Variants in SPIB observed in about 807,000 individuals in gnomAD.
The protein encoded by SPIB is transcription factor Spi-B.
SPIB carries 7 observed loss-of-function variants against 31.9 expected under a neutral mutation model. The ratio of observed to expected loss-of-function variants is 0.22; its 90% CI spans 0.12 to 0.41. The LOEUF is 0.41. Among genes scored for constraint, SPIB ranks in the 10% least tolerant of loss-of-function variants. SPIB has a pLI of 1.00. For synonymous variants in SPIB, 176 were observed against 158.9 expected (o/e 1.11, Z -0.81); for missense variants, 327 against 360.2 (o/e 0.91, Z 0.75).
chr19:50,419,574 A>G (rs1031586015), intron 1 of SPIB, among the ~76,000 whole-genome samples: 1 of 151,632 alleles, frequency 6.6e-6, no homozygotes, highest in East Asian at 2.0e-4. Flanking sequence ...CTACCCAGAC[A>G]TCTCTCCATC....
chr19:50,427,070 C>T (rs997697907), intron 5 of SPIB, among the ~76,000 whole-genome samples: 2 of 151,902 alleles, frequency 1.3e-5, no homozygotes, highest in African/African-American at 4.8e-5. Context: ...GTCGAGGCTG[C>T]AGTGAGCTGT....
Position 50,428,633 on chromosome 19 carries a change from G to A in SPIB, c.*297G>A, listed in dbSNP as rs1301138590. On this transcript the variant is annotated 3_prime_UTR_variant, in exon 6 of 6. Transcript: ENST00000595883. The surrounding 1 kb of genome is among the most constrained non-coding windows in gnomAD (Gnocchi z 6.5). ...CCACTATACTCGGGGAGGCAGGGTAGCAGTTCTTCCAGAATCCCAAGAGCT... is the reference window on the plus strand; with the variant it reads ...CCACTATACTCGGGGAGGCAGGGTAACAGTTCTTCCAGAATCCCAAGAGCT... 1 of 381,586 alleles carries A rather than the reference G, an allele frequency of 2.6e-6. No individual in the cohort carries two copies. The highest frequency in any genetic ancestry group is 9.8e-5 in the South Asian group (1 of 10,174). The allele number at this position is 381,586 out of a possible 1,614,324, so 23.6% of individuals were successfully genotyped here.
intron 2 of SPIB, 26 bp downstream of exon 2, chr19:50,419,999 G>A (rs759613029): frequency 3.5e-6 from 5 of 1,448,870 alleles, no homozygotes; most frequent in Admixed American, 3.0e-5. Flanking sequence ...TGGGGGCCAG[G>A]GAGGGGTGGC....
chr19:50,423,897 C>T, intron 5 of SPIB, 142 bp downstream of exon 5: 1 of 1,021,554 alleles, frequency 9.8e-7, no homozygotes, highest in Non-Finnish European at 1.4e-6. Flanking sequence ...GCTGTGTGAC[C>T]TTGGGTAAGT....
At chr19:50,422,416 G>A (rs1601261678) in intron 2 of SPIB, 57 bp from the exon 3 acceptor site, 1 of 1,542,736 alleles carries the variant, frequency 6.5e-7, no homozygotes, top group Non-Finnish European at 9.0e-7. Context: ...CCAGGGTGGG[G>A]GTTGGGAGTC....
intron 5 of SPIB, among the ~76,000 whole-genome samples, 167 bp from the exon 6 acceptor site, chr19:50,427,871 C>CT (rs1354878316): frequency 1.3e-5 from 2 of 148,394 alleles, no homozygotes; most frequent in East Asian, 4.0e-4. Flanking sequence ...CCCCCCCCCC[C>CT]CCGTGGTGAG....
In SPIB at chr19:50,423,733, C is replaced by G. The variant is rs772520030; in HGVS notation, c.468C>G (p.Pro156=). The G allele has an allele frequency of 6.2e-7, 1 of 1,610,808 alleles. No homozygotes were observed. The highest frequency in any genetic ancestry group is 8.5e-7 in the Non-Finnish European group (1 of 1,178,772). ...CGGATGAGGCCCTCGTGGCTGGCCC[C>G]GAGGGGAAGGGATCCGAGGCAGGTA... ...SESDEALVAG[P]EGKGSEAGTR... Residue 156 remains proline, a synonymous_variant, in exon 5 of 6, where the codon CCC becomes CCG. Transcript: ENST00000595883.
Position 50,428,061 on chromosome 19 carries a change from T to C in SPIB, c.514T>C (p.Tyr172His). ...AGGGACTCGCAAGAAGCTGCGCCTG[T>C]ACCAGTTCCTGCTGGGGCTACTGAC... ...EAGTRKKLRL[Y>H]QFLLGLLTRG... The change falls in exon 6 of 6, where the codon TAC (tyrosine) becomes CAC (histidine). Residue 172 changes from tyrosine (Y) to histidine (H), a missense_variant. Tyr to His is a moderately conservative substitution (Grantham distance 83). Coordinates refer to ENST00000595883, the MANE Select transcript of SPIB (RefSeq NM_003121.5). The surrounding 1 kb of genome is among the most constrained non-coding windows in gnomAD (Gnocchi z 6.5). 2 of 1,560,682 alleles carry C rather than the reference T, an allele frequency of 1.3e-6. No individual in the cohort carries two copies. Among genetic ancestry groups the C allele is most frequent in the Middle Eastern group, 1.7e-4 (1 of 5,922 alleles).
chr19:50,426,108 C>G (rs1450999534), intron 5 of SPIB, among the ~76,000 whole-genome samples: 1 of 152,088 alleles, frequency 6.6e-6, no homozygotes, highest in Non-Finnish European at 1.5e-5. Context: ...ACTTGGGAGG[C>G]TGAGGCAGGA....
chr19:50,423,632 T>G lies in SPIB; in HGVS notation c.367T>G (p.Tyr123Asp). The G allele has an allele frequency of 6.2e-7, 1 of 1,613,916 alleles. No homozygotes were observed. Among genetic ancestry groups the G allele is most frequent in the Non-Finnish European group, 8.5e-7 (1 of 1,179,930 alleles). The change falls in exon 5 of 6, where the codon TAC (tyrosine) becomes GAC (aspartate). Residue 123 changes from tyrosine (Y) to aspartate (D), a missense_variant. Tyr to Asp is a radical substitution (Grantham distance 160, BLOSUM62 -3). Coordinates refer to ENST00000595883, the MANE Select transcript of SPIB (RefSeq NM_003121.5). ...QTLVPPAYAP[Y>D]PSPVLSEEED... is the part of the protein sequence containing the mutation. ...CCTGGTTCCCCCGGCATATGCCCCG[T>G]ACCCCAGCCCTGTGCTATCAGAGGA...
chr19:50,428,051 G>C lies in SPIB; in HGVS notation c.504G>C (p.Lys168Asn). The part of the protein sequence containing the change: ...GKGSEAGTRK[K>N]LRLYQFLLGL... The stretch of plus-strand genomic sequence containing the variant: ...ACCCCACCGCAGGGACTCGCAAGAA[G>C]CTGCGCCTGTACCAGTTCCTGCTGG... Residue 168 changes from lysine (K) to asparagine (N), a missense_variant, in exon 6 of 6, where the codon AAG (lysine) becomes AAC (asparagine). By Grantham distance (94) the Lys-to-Asn change is moderately conservative (BLOSUM62 0). This residue lies in a region of SPIB where 238 missense variants were observed against 228.8 expected (regional missense o/e 1.04). Coordinates refer to ENST00000595883, the MANE Select transcript of SPIB (RefSeq NM_003121.5). This position sits in a 1 kb window ranked among gnomAD's most constrained non-coding sequence, Gnocchi z 6.5. 1 of 1,537,730 alleles carries C rather than the reference G, an allele frequency of 6.5e-7. No individual in the cohort carries two copies. Among genetic ancestry groups the C allele is most frequent in the South Asian group, 1.2e-5 (1 of 82,556 alleles).
Position 50,428,090 on chromosome 19 carries a change from C to T in SPIB, c.543C>T (p.Arg181=). The T allele has an allele frequency of 1.9e-6, 3 of 1,579,028 alleles. No individual in the cohort carries two copies. The highest frequency in any genetic ancestry group is 2.3e-5 in the East Asian group (1 of 43,564). Residue 181 remains arginine (R), a synonymous_variant, in exon 6 of 6, where the codon CGC becomes CGT. Coordinates refer to ENST00000595883, the MANE Select transcript of SPIB (RefSeq NM_003121.5). The surrounding 1 kb of genome is among the most constrained non-coding windows in gnomAD (Gnocchi z 6.5). ...AGTTCCTGCTGGGGCTACTGACGCG[C>T]GGGGACATGCGTGAGTGCGTGTGGT... ...LYQFLLGLLT[R]GDMRECVWWV... is the part of the protein sequence containing the mutation.
chr19:50,423,729 G>A lies in SPIB; in HGVS notation c.464G>A (p.Gly155Asp), dbSNP rs2039530845. 2 of 1,611,448 alleles carry A rather than the reference G, an allele frequency of 1.2e-6. No individual in the cohort carries two copies. Among genetic ancestry groups the A allele is most frequent in the Middle Eastern group, 1.7e-4 (1 of 6,056 alleles). The change falls in exon 5 of 6, where the codon GGC becomes GAC. Residue 155 changes from glycine (G) to aspartate (D), a missense_variant. By Grantham distance (94) the Gly-to-Asp change is moderately conservative. Transcript: ENST00000595883. The stretch of plus-strand genomic sequence containing the variant: ...GAGTCGGATGAGGCCCTCGTGGCTG[G>A]CCCCGAGGGGAAGGGATCCGAGGCA... ...DSESDEALVAGPEGKGSEAGT... is the reference protein window; with the variant it reads ...DSESDEALVADPEGKGSEAGT...
chr19:50,424,811 T>G (rs994812409), intron 5 of SPIB, among the ~76,000 whole-genome samples: 6 of 147,676 alleles, frequency 4.1e-5, no homozygotes, highest in African/African-American at 1.5e-4. Flanking sequence ...AAAAAAAAAT[T>G]AATGGGGCAT....
intron 2 of SPIB, 53 bp from the exon 3 acceptor site, chr19:50,422,420 G>A (rs1296167494): frequency 5.1e-6 from 8 of 1,561,546 alleles, no homozygotes; most frequent in Non-Finnish European, 7.1e-6. Flanking sequence ...GGTGGGGGTT[G>A]GGAGTCCCCA....
At chr19:50,423,528 A>T in intron 4 of SPIB, 77 bp from the exon 5 acceptor site, 1 of 1,552,116 alleles carries the variant, frequency 6.4e-7, no homozygotes, top group South Asian at 1.2e-5. Context: ...CAGGAGGGCC[A>T]CCGCCTTGGC....
chr19:50,423,449 C>T (rs1369934284), intron 4 of SPIB, among the ~76,000 whole-genome samples, 156 bp from the exon 5 acceptor site: 1 of 152,104 alleles, frequency 6.6e-6, no homozygotes, highest in Non-Finnish European at 1.5e-5. Flanking sequence ...TCAGGTGTCC[C>T]CTGGCCACAG....
rs2039636737 is a variant in SPIB, at chr19:50,431,169, A to T, written c.*2833A>T. The T allele has an allele frequency of 6.6e-6, 1 of 152,204 alleles. No homozygotes were observed. The highest frequency in any genetic ancestry group is 1.5e-5 in the Non-Finnish European group (1 of 68,068). The allele number at this position is 152,204 out of a possible 1,614,324, so 9.4% of individuals were successfully genotyped here. ...GAGAGGAGTTCAAAGAGAGAATTAT[A>T]TGCTGGCGCGGTGGCTCTGTAATCC... On this transcript the variant is annotated 3_prime_UTR_variant, in exon 6 of 6. Transcript: ENST00000595883.
intron 1 of SPIB, among the ~76,000 whole-genome samples, chr19:50,419,579 T>C (rs1380549440): frequency 6.6e-6 from 1 of 152,100 alleles, no homozygotes; most frequent in Non-Finnish European, 1.5e-5. Flanking sequence ...CAGACATCTC[T>C]CCATCCTTCT....
Sources: gnomAD v4.1 joint callset for allele counts (sites outside exome capture counted in the v4.1 genomes callset) on GRCh38, gnomAD v4.1.1 for gene constraint, gnomAD v4.1.1 regional missense constraint, Gnocchi (gnomAD v3.1) non-coding constraint, MANE v1.5 for transcripts, NCBI Gene and HGNC (gene_info 2026-07-23, HGNC 2026-07-21) for gene names.